Variants in PRR5L observed in about 807,000 individuals in gnomAD.
The protein encoded by PRR5L is proline-rich protein 5-like.
Under a neutral mutation model 36.4 loss-of-function variants are expected in PRR5L, and 21 were observed. The observed-to-expected ratio is 0.58, with a 90% confidence interval of 0.41 to 0.83. The LOEUF is 0.83. PRR5L is among the 40% of genes least tolerant of loss of function. The pLI, the probability that PRR5L is intolerant of heterozygous loss-of-function variation, is 0.00. For synonymous variants in PRR5L, 188 were observed against 197.0 expected (o/e 0.95, Z 0.38); for missense variants, 381 against 473.3 (o/e 0.80, Z 1.81).
intron 6 of PRR5L, among the ~76,000 whole-genome samples, chr11:36,441,113 A>C (rs1323627093): frequency 6.6e-6 from 1 of 152,166 alleles, no homozygotes; most frequent in Non-Finnish European, 1.5e-5. Flanking sequence ...TGGTACTCCA[A>C]ATCTCATGTC....
chr11:36,412,407 G>A (rs939282539), intron 3 of PRR5L, among the ~76,000 whole-genome samples: 1 of 152,148 alleles, frequency 6.6e-6, no homozygotes. Flanking sequence ...TTTATTATTC[G>A]TTATGATGAT....
rs374987540 is a variant in PRR5L, at chr11:36,417,235, G to A, written c.246-2020G>A. Among the ~76,000 whole-genome samples the A allele has an allele frequency of 8.5e-5, 13 of 152,284 alleles. 1 individual carries two copies. In the South Asian group the frequency reaches 1.9e-3, roughly 22 times the overall value. On this transcript the variant is annotated intron_variant, in intron 3 of 8. Coordinates refer to ENST00000530639, the MANE Select transcript of PRR5L (RefSeq NM_001160167.2). Reference sequence around the variant, plus strand: ...GTAGGACTTGTTTTTCCACTTGTGCGCAAAGCTTGGCTTCTTCACCTATGG... The same window carrying A: ...GTAGGACTTGTTTTTCCACTTGTGCACAAAGCTTGGCTTCTTCACCTATGG...
intron 1 of PRR5L, among the ~76,000 whole-genome samples, chr11:36,385,163 A>C (rs1399630511): frequency 1.3e-5 from 2 of 152,200 alleles, no homozygotes; most frequent in African/African-American, 4.8e-5. Flanking sequence ...TACATGTCAG[A>C]AATGTAATTG....
intron 8 of PRR5L, chr11:36,455,381 C>G (rs1457036581): frequency 1.3e-5 from 2 of 153,028 alleles, no homozygotes; most frequent in African/African-American, 4.8e-5. Flanking sequence ...TTGAAAGGAG[C>G]TGCTCTTGCT....
chr11:36,441,881 C>T (rs1359857713), intron 6 of PRR5L, among the ~76,000 whole-genome samples: 1 of 152,168 alleles, frequency 6.6e-6, no homozygotes, highest in Non-Finnish European at 1.5e-5. Context: ...TCCAGAGTAA[C>T]AGCTGGAATG....
chr11:36,340,349 A>G (rs1590457473), intron 1 of PRR5L, among the ~76,000 whole-genome samples: 1 of 152,176 alleles, frequency 6.6e-6, no homozygotes, highest in East Asian at 1.9e-4. Context: ...GCTGTCTAAG[A>G]TGGCACAGTC....
intron 1 of PRR5L, among the ~76,000 whole-genome samples, chr11:36,358,666 C>T (rs1025930981): frequency 4.6e-5 from 7 of 152,134 alleles, no homozygotes; most frequent in Non-Finnish European, 7.3e-5. Flanking sequence ...CTCCAAGGTA[C>T]GCCTGTATAT....
intron 4 of PRR5L, 126 bp downstream of exon 4, chr11:36,419,429 G>A: frequency 1.2e-6 from 1 of 826,250 alleles, no homozygotes. Flanking sequence ...TCAAGTCCCT[G>A]CTGTGTGCTG....
intron 1 of PRR5L, chr11:36,323,284 T>G (rs543218951): frequency 1.3e-5 from 2 of 152,250 alleles, no homozygotes; most frequent in African/African-American, 2.4e-5. Flanking sequence ...CTCGTATCAT[T>G]GAGTCCCTGT....
chr11:36,321,172 G>A (rs192908351), intron 1 of PRR5L: 32 of 152,256 alleles, frequency 2.1e-4, no homozygotes, highest in Admixed American at 9.8e-4. Context: ...GAAAGAAAAG[G>A]TATTTATTGG....
chr11:36,298,511 C>T (rs904032740), intron 1 of PRR5L, among the ~76,000 whole-genome samples: 5 of 152,184 alleles, frequency 3.3e-5, no homozygotes, highest in South Asian at 4.1e-4. Context: ...CTCACATGCG[C>T]AGTTCACAAT....
In PRR5L at chr11:36,367,259, G is replaced by A. The variant is rs538311231; in HGVS notation, c.-125-33738G>A. 3.3e-5 allele frequency among the ~76,000 whole-genome samples: 5 copies of A among 152,310 alleles called. No homozygotes were observed. The East Asian group carries it at 7.7e-4, about 23-fold the overall frequency. On this transcript the variant is annotated intron_variant, in intron 1 of 8. Coordinates refer to ENST00000530639, the MANE Select transcript of PRR5L (RefSeq NM_001160167.2). ...GGAATAGAATAAAATACTAGGCTTT[G>A]CCATAAAAGAATTGAGATTATTTAT...
intron 1 of PRR5L, among the ~76,000 whole-genome samples, chr11:36,339,230 A>C (rs2133478920): frequency 6.6e-6 from 1 of 152,304 alleles, no homozygotes; most frequent in Admixed American, 6.5e-5. Flanking sequence ...AGTAGTTGGG[A>C]TTACAGGCGC....
chr11:36,325,860 G>A lies in PRR5L; in HGVS notation c.-126+29422G>A, dbSNP rs907706640. 2.6e-5 allele frequency among the ~76,000 whole-genome samples: 4 copies of A among 152,092 alleles called. No homozygotes were observed. The East Asian group carries it at 7.7e-4, about 29-fold the overall frequency. ...TGTTCTGACATTCTAAACTCCTCCA[G>A]GACAAATATCCTTTCAGTAATCTTT... On this transcript the variant is annotated intron_variant, in intron 1 of 8. Coordinates refer to ENST00000530639, the MANE Select transcript of PRR5L (RefSeq NM_001160167.2).
At chr11:36,411,054 C>T (rs1165760269) in intron 3 of PRR5L, among the ~76,000 whole-genome samples, 3 of 152,240 alleles carry the variant, frequency 2.0e-5, no homozygotes, top group African/African-American at 7.2e-5. Flanking sequence ...TATTCCAACT[C>T]ATCTTGGCTA....
chr11:36,351,781 ATATTT>A lies in PRR5L; in HGVS notation c.-125-49214_-125-49210del, dbSNP rs1206822976. The stretch of plus-strand genomic sequence containing the variant: ...TATTTATATATTTATATATATTTAT[ATATTT>A]TTTTTATATATACCACAATTTCTTT... On this transcript the variant is annotated intron_variant, in intron 1 of 8. Coordinates refer to ENST00000530639, the MANE Select transcript of PRR5L (RefSeq NM_001160167.2). Among the ~76,000 whole-genome samples the A allele has an allele frequency of 3.9e-4, 10 of 25,540 alleles. No homozygotes were observed. In the South Asian group the frequency reaches 4.4e-3, roughly 11 times the overall value. The allele number at this position is 25,540 out of a possible 152,430, so 16.8% of individuals were successfully genotyped here. A position where few individuals can be genotyped will look rare whatever the true frequency, so the allele number is the denominator to read the frequency against.
At position 36,377,194 on chromosome 11, in the gene PRR5L, C is replaced by T. The variant is rs1244871035; in HGVS notation, c.-125-23803C>T. ...CGGTCCCCCTTTTTCTGGAGGGAGG[C>T]GTGGGAGAGAAGGGCAGGGCAGGGA... On this transcript the variant is annotated intron_variant, in intron 1 of 8. Coordinates refer to ENST00000530639, the MANE Select transcript of PRR5L (RefSeq NM_001160167.2). This position sits in a 1 kb window ranked among gnomAD's most constrained non-coding sequence, Gnocchi z 5.1. Among the ~76,000 whole-genome samples, 1 of 152,172 alleles carries T rather than the reference C, an allele frequency of 6.6e-6. No homozygotes were observed. The highest frequency in any genetic ancestry group is 1.9e-4 in the East Asian group (1 of 5,180).
intron 1 of PRR5L, among the ~76,000 whole-genome samples, chr11:36,360,353 C>A (rs1228898134): frequency 6.6e-6 from 1 of 152,118 alleles, no homozygotes; most frequent in African/African-American, 2.4e-5. Context: ...TCTCTAACCA[C>A]CAGAGTTATA....
At chr11:36,383,809 C>T (rs954531090) in intron 1 of PRR5L, among the ~76,000 whole-genome samples, 8 of 151,242 alleles carry the variant, frequency 5.3e-5, no homozygotes, top group African/African-American at 1.9e-4. Context: ...GATTCTCCTG[C>T]CTCAGCCTCC....
Sources: gnomAD v4.1 joint callset for allele counts (sites outside exome capture counted in the v4.1 genomes callset) on GRCh38, gnomAD v4.1.1 for gene constraint, Gnocchi (gnomAD v3.1) non-coding constraint, MANE v1.5 for transcripts, NCBI Gene and HGNC (gene_info 2026-07-23, HGNC 2026-07-21) for gene names.